Variants in EEFSEC observed in about 807,000 individuals in gnomAD.
EEFSEC encodes selenocysteine-specific elongation factor.
Under a neutral mutation model 42.1 loss-of-function variants are expected in EEFSEC, and 43 were observed. The observed-to-expected ratio is 1.02, with a 90% confidence interval of 0.80 to 1.32. The LOEUF is 1.32. EEFSEC is among the 40% of genes most tolerant of loss of function. EEFSEC has a pLI of 0.00. For synonymous variants in EEFSEC, 354 were observed against 339.1 expected, an observed-to-expected ratio of 1.04 and a Z score of -0.48; for missense variants, 745 against 803.6, an observed-to-expected ratio of 0.93 and a Z score of 0.88.
At chr3:128,400,933 C>T (rs1041006656) in intron 6 of EEFSEC, among the ~76,000 whole-genome samples, 3 of 152,322 alleles carry the variant, frequency 2.0e-5, no homozygotes, top group South Asian at 2.1e-4. Context: ...AGTGTCTCCA[C>T]GGGAAGCCAT....
intron 6 of EEFSEC, among the ~76,000 whole-genome samples, chr3:128,396,509 C>T (rs1353115228): frequency 1.3e-5 from 2 of 152,224 alleles, no homozygotes; most frequent in Non-Finnish European, 2.9e-5. Context: ...CTGGGACACA[C>T]TGTCAAATGG....
At chr3:128,176,981 G>GATGATT (rs1553738872) in intron 1 of EEFSEC, among the ~76,000 whole-genome samples, 1 of 146,546 alleles carries the variant, frequency 6.8e-6, no homozygotes, top group Non-Finnish European at 1.5e-5. Context: ...GAACATACTG[G>GATGATT]ATTATTATTA....
intron 1 of EEFSEC, among the ~76,000 whole-genome samples, chr3:128,158,498 A>G (rs1344677775): frequency 6.6e-6 from 1 of 152,186 alleles, no homozygotes; most frequent in Non-Finnish European, 1.5e-5. Flanking sequence ...CAGTCACCCC[A>G]ACCTTCATCA....
the EEFSEC span, among the ~76,000 whole-genome samples, chr3:128,417,288 C>A: frequency 6.6e-6 from 1 of 152,086 alleles, no homozygotes; most frequent in Admixed American, 6.5e-5. This position sits in a 1 kb window ranked among gnomAD's most constrained non-coding sequence, Gnocchi z 4.3. Context: ...CCCTGCACGA[C>A]CTCCCTGACC....
intron 1 of EEFSEC, among the ~76,000 whole-genome samples, chr3:128,189,236 G>T (rs1025582034): frequency 6.6e-6 from 1 of 152,196 alleles, no homozygotes; most frequent in Admixed American, 6.5e-5. Flanking sequence ...CTTGACAAGC[G>T]CCTCGCAGAA....
intron 2 of EEFSEC, among the ~76,000 whole-genome samples, chr3:128,255,733 A>G (rs971914057): frequency 1.9e-4 from 29 of 152,300 alleles, no homozygotes; most frequent in African/African-American, 6.7e-4. Flanking sequence ...ATGTTGATTG[A>G]AAGTGGCAGG....
At chr3:128,195,634 T>A (rs995724002) in intron 1 of EEFSEC, among the ~76,000 whole-genome samples, 2 of 152,192 alleles carry the variant, frequency 1.3e-5, no homozygotes, top group African/African-American at 4.8e-5. Flanking sequence ...ATAATGGAGA[T>A]GAAGGCGCCT....
chr3:128,182,563 G>C (rs2065419806), intron 1 of EEFSEC, among the ~76,000 whole-genome samples: 1 of 152,096 alleles, frequency 6.6e-6, no homozygotes, highest in East Asian at 1.9e-4. Context: ...CTTTATAATA[G>C]TTTCCCCTCA....
intron 4 of EEFSEC, among the ~76,000 whole-genome samples, chr3:128,282,339 T>A (rs759257164): frequency 1.3e-5 from 2 of 152,278 alleles, no homozygotes; most frequent in Non-Finnish European, 2.9e-5. Context: ...GGCTTTTTGA[T>A]GTGCACCATG....
At chr3:128,171,150 C>T (rs1559853057) in intron 1 of EEFSEC, among the ~76,000 whole-genome samples, 1 of 152,158 alleles carries the variant, frequency 6.6e-6, no homozygotes, top group Non-Finnish European at 1.5e-5. Context: ...AGTCTTGGAT[C>T]GGGATGATCA....
At position 128,262,225 on chromosome 3, in the gene EEFSEC, G is replaced by A. The variant is rs1253347261; in HGVS notation, c.621+1G>A. On this transcript the variant is annotated splice_donor_variant, in intron 3 of 6. Transcript: ENST00000254730. LOFTEE classifies it high-confidence loss of function. The stretch of plus-strand genomic sequence containing the variant: ...ACAGGGCATTCCAGAGCTCATTGAG[G>A]TACTGTCATCTTGAATCCAGGTTGC... The A allele has an allele frequency of 2.5e-6, 4 of 1,614,022 alleles. No individual in the cohort carries two copies. The highest frequency in any genetic ancestry group is 1.1e-5 in the South Asian group (1 of 91,062).
At chr3:128,352,681 T>C (rs1180688616) in intron 5 of EEFSEC, among the ~76,000 whole-genome samples, 1 of 152,198 alleles carries the variant, frequency 6.6e-6, no homozygotes, top group Non-Finnish European at 1.5e-5. Context: ...CTGTGTGGTG[T>C]GTCTGAGGGA....
intron 1 of EEFSEC, among the ~76,000 whole-genome samples, chr3:128,209,631 T>C (rs944536773): frequency 2.6e-5 from 4 of 152,218 alleles, no homozygotes; most frequent in African/African-American, 9.7e-5. Flanking sequence ...AAATTTTGCA[T>C]CACTAAGGCA....
At chr3:128,312,819 A>G (rs1203575314) in intron 4 of EEFSEC, among the ~76,000 whole-genome samples, 1 of 152,246 alleles carries the variant, frequency 6.6e-6, no homozygotes, top group Admixed American at 6.5e-5. Context: ...TTAACCATTT[A>G]GCTGTATCTT....
chr3:128,389,570 T>C (rs2067883093), intron 6 of EEFSEC, among the ~76,000 whole-genome samples: 1 of 152,240 alleles, frequency 6.6e-6, no homozygotes. Context: ...TGACCATCCT[T>C]GAGCCCACGC....
intron 4 of EEFSEC, among the ~76,000 whole-genome samples, chr3:128,278,967 G>GT (rs1312374866): frequency 6.6e-6 from 1 of 152,216 alleles, no homozygotes; most frequent in Non-Finnish European, 1.5e-5. Context: ...AAGGTCAGGA[G>GT]TTTAAGAGCT....
intron 1 of EEFSEC, among the ~76,000 whole-genome samples, chr3:128,223,694 A>C (rs1306351170): frequency 1.3e-5 from 2 of 152,190 alleles, no homozygotes; most frequent in Non-Finnish European, 2.9e-5. Context: ...CAACACAGAA[A>C]TGTTGTATGA....
chr3:128,389,861 G>T (rs2067887018), intron 6 of EEFSEC, among the ~76,000 whole-genome samples: 2 of 152,238 alleles, frequency 1.3e-5, no homozygotes, highest in African/African-American at 4.8e-5. Flanking sequence ...AGAGCACCTA[G>T]CCGGTCAAGC....
chr3:128,251,144 T>A (rs2066182835), intron 2 of EEFSEC, among the ~76,000 whole-genome samples: 1 of 152,134 alleles, frequency 6.6e-6, no homozygotes. Flanking sequence ...ATAGTTGTAG[T>A]CATGAGGCAT....
Sources: gnomAD v4.1 joint callset for allele counts (sites outside exome capture counted in the v4.1 genomes callset) on GRCh38, gnomAD v4.1.1 for gene constraint, Gnocchi (gnomAD v3.1) non-coding constraint, MANE v1.5 for transcripts, NCBI Gene and HGNC (gene_info 2026-07-23, HGNC 2026-07-21) for gene names.